DOCK3: variants seen among roughly 807,000 people sequenced by gnomAD.
DOCK3 encodes dedicator of cytokinesis protein 3.
In DOCK3, 60 loss-of-function variants were observed where a neutral mutation model predicts 265.6. That is an observed-to-expected ratio of 0.23 (90% CI 0.18 to 0.28). DOCK3 has a LOEUF of 0.28. Among genes scored for constraint, DOCK3 ranks in the 10% least tolerant of loss-of-function variants. The pLI, the probability that DOCK3 is intolerant of heterozygous loss-of-function variation, is 1.00. For missense variants in DOCK3, 1,981 were observed against 2,594.3 expected (o/e 0.76, Z 5.14); for synonymous variants, 881 against 938.0 (o/e 0.94, Z 1.11).
rs1292081767 is a variant in DOCK3 at position 51,312,983 on chromosome 3, G to C, written c.3253+81G>C. The C allele has an allele frequency of 4.5e-6, 6 of 1,321,494 alleles. No individual in the cohort carries two copies. In the African/African-American group the frequency reaches 8.8e-5, roughly 19 times the overall value. The allele number at this position is 1,321,494 out of a possible 1,614,324, so 81.9% of individuals were successfully genotyped here. A position where few individuals can be genotyped will look rare whatever the true frequency, so the allele number is the denominator to read the frequency against. On this transcript the variant is annotated intron_variant, in intron 31 of 52. Coordinates refer to ENST00000266037, the MANE Select transcript of DOCK3 (RefSeq NM_004947.5). ...TAGCAAGACTAATAACATCTCCCAG[G>C]CTTTATGAATGTTAATTCAGGCCCA...
At chr3:51,289,239 A>G (rs143788979) in intron 27 of DOCK3, among the ~76,000 whole-genome samples, 3 of 152,292 alleles carry the variant, frequency 2.0e-5, no homozygotes, top group African/African-American at 7.2e-5. Flanking sequence ...GGAGCTGTAC[A>G]TGGACACAAA....
chr3:51,238,731 T>A (rs2078460369), intron 21 of DOCK3, among the ~76,000 whole-genome samples: 1 of 152,188 alleles, frequency 6.6e-6, no homozygotes, highest in Admixed American at 6.5e-5. Flanking sequence ...GTTGCTGTGT[T>A]AGTTTGCTAA....
intron 2 of DOCK3, among the ~76,000 whole-genome samples, chr3:50,839,812 A>G (rs886270768): frequency 7.2e-6 from 1 of 139,328 alleles, no homozygotes; most frequent in Admixed American, 7.5e-5. Flanking sequence ...TCTGTTGCCC[A>G]GGCTGGAGTG....
At chr3:51,078,199 G>T (rs773525271) in intron 7 of DOCK3, among the ~76,000 whole-genome samples, 1 of 152,048 alleles carries the variant, frequency 6.6e-6, no homozygotes, top group Non-Finnish European at 1.5e-5. Context: ...AAACAATTAG[G>T]AAACAGAGTA....
chr3:50,938,669 G>A (rs2051530700), intron 5 of DOCK3, among the ~76,000 whole-genome samples: 1 of 151,742 alleles, frequency 6.6e-6, no homozygotes. Flanking sequence ...GTGTCAAAGA[G>A]GAAACTGTAA....
chr3:51,186,452 A>G (rs997801543), intron 12 of DOCK3, among the ~76,000 whole-genome samples: 5 of 152,190 alleles, frequency 3.3e-5, no homozygotes, highest in African/African-American at 1.2e-4. Context: ...CAGCCTAACA[A>G]TGCAATAGAA....
Position 50,691,824 on chromosome 3 carries a change from A to G in DOCK3, c.37+16524A>G, listed in dbSNP as rs1244903410. ...TCCCTAATGATTAGTGATGTTGAGA[A>G]TCTTCTCATGTGCTTATTGGCCATT... On this transcript the variant is annotated intron_variant, in intron 1 of 52. Transcript: ENST00000266037. 2.0e-5 allele frequency among the ~76,000 whole-genome samples: 3 copies of G among 151,814 alleles called. No homozygotes were observed. The East Asian group carries it at 5.8e-4, about 29-fold the overall frequency.
chr3:51,356,341 C>T (rs1045157221), intron 42 of DOCK3, 66 bp from the exon 43 acceptor site: 12 of 1,611,966 alleles, frequency 7.4e-6, no homozygotes, highest in East Asian at 4.5e-5. Flanking sequence ...CTGTTTTATC[C>T]CTCAGGTAGG....
At chr3:50,690,991 G>T (rs2035198605) in intron 1 of DOCK3, among the ~76,000 whole-genome samples, 1 of 151,434 alleles carries the variant, frequency 6.6e-6, no homozygotes, top group Non-Finnish European at 1.5e-5. Context: ...TCATATAAAT[G>T]TAATCATATG....
Position 50,746,234 on chromosome 3 carries a change from G to A in DOCK3, c.38-32441G>A, listed in dbSNP as rs540270390. Among the ~76,000 whole-genome samples, 26 of 151,378 alleles carry A rather than the reference G, an allele frequency of 1.7e-4. 1 individual carries two copies. The South Asian group carries it at 5.2e-3, about 30-fold the overall frequency. ...AAGCAATTCTGTCTCAGCTTCCTGA[G>A]TAGCTAGGATTACAGGCACACACTA... On this transcript the variant is annotated intron_variant, in intron 1 of 52. Transcript: ENST00000266037.
At chr3:51,042,649 A>G (rs1007574951) in intron 5 of DOCK3, among the ~76,000 whole-genome samples, 2 of 152,232 alleles carry the variant, frequency 1.3e-5, no homozygotes, top group East Asian at 1.9e-4. Flanking sequence ...AAGGAAGTCA[A>G]ACTATTCCTG....
intron 2 of DOCK3, among the ~76,000 whole-genome samples, chr3:50,820,865 C>G (rs1206872132): frequency 7.5e-6 from 1 of 133,370 alleles, no homozygotes; most frequent in East Asian, 2.1e-4. Context: ...AATAGCCATT[C>G]TGAGTGGTGT....
chr3:50,925,648 GA>G (rs1308728012), intron 4 of DOCK3, among the ~76,000 whole-genome samples: 2 of 152,210 alleles, frequency 1.3e-5, no homozygotes, highest in African/African-American at 4.8e-5. Context: ...AGAAGAAACA[GA>G]AGGTTGGGGT....
At chr3:51,175,921 T>C (rs1400614251) in intron 12 of DOCK3, among the ~76,000 whole-genome samples, 4 of 152,206 alleles carry the variant, frequency 2.6e-5, no homozygotes, top group Non-Finnish European at 5.9e-5. Context: ...ATCTGCCATG[T>C]CCATTATCAA....
intron 1 of DOCK3, among the ~76,000 whole-genome samples, chr3:50,692,361 C>T (rs970710056): frequency 5.3e-5 from 8 of 152,138 alleles, no homozygotes; most frequent in African/African-American, 1.7e-4. Flanking sequence ...TGGGATGAAA[C>T]TCTTCCACCT....
At chr3:51,199,181 T>C (rs575343481) in intron 12 of DOCK3, among the ~76,000 whole-genome samples, 214 of 152,088 alleles carry the variant, frequency 1.4e-3, no homozygotes, top group African/African-American at 4.9e-3. Context: ...TGCCAGACAA[T>C]GGGCGCAGGT....
intron 40 of DOCK3, among the ~76,000 whole-genome samples, chr3:51,352,561 A>G (rs2086069927): frequency 6.6e-6 from 1 of 152,246 alleles, no homozygotes; most frequent in Admixed American, 6.5e-5. Flanking sequence ...AGGAAAAATA[A>G]CAAGAGGTGT....
At chr3:50,732,033 G>A (rs2038245296) in intron 1 of DOCK3, among the ~76,000 whole-genome samples, 1 of 151,080 alleles carries the variant, frequency 6.6e-6, no homozygotes, top group Non-Finnish European at 1.5e-5. Flanking sequence ...CAAGGTTAAT[G>A]TATTTAAAAA....
At chr3:51,198,881 T>C (rs2088498642) in intron 12 of DOCK3, among the ~76,000 whole-genome samples, 1 of 151,918 alleles carries the variant, frequency 6.6e-6, no homozygotes, top group Non-Finnish European at 1.5e-5. Flanking sequence ...ATACAAAAAT[T>C]AGCCAAGTGT....
Sources: allele counts gnomAD v4.1 joint callset (sites outside exome capture counted in the v4.1 genomes callset), GRCh38; gene constraint gnomAD v4.1.1; transcripts MANE v1.5; gene names NCBI Gene and HGNC (gene_info 2026-07-23, HGNC 2026-07-21).